The following RBFOX1 variants were observed in gnomAD, a reference collection of about 807,000 sequenced individuals.
The protein encoded by RBFOX1 is RNA binding protein fox-1 homolog 1.
Under a neutral mutation model 57.7 loss-of-function variants are expected in RBFOX1, and 8 were observed. That is an observed-to-expected ratio of 0.14 (90% confidence interval 0.08 to 0.25). The LOEUF (loss-of-function observed/expected upper bound fraction) is 0.25. RBFOX1 is among the 10% of genes least tolerant of loss of function. The pLI, the probability that RBFOX1 is intolerant of heterozygous loss-of-function variation, is 1.00. For synonymous variants in RBFOX1, 326 were observed against 222.4 expected (o/e 1.47, Z -4.15); for missense variants, 611 against 548.5 (o/e 1.11, Z -1.14).
chr16:7,475,907 C>G (rs191906090), intron 4 of RBFOX1, among the ~76,000 whole-genome samples: 1 of 152,286 alleles, frequency 6.6e-6, no homozygotes, highest in Admixed American at 6.5e-5. Flanking sequence ...AAGTTCACAT[C>G]ATGTCTGGCA....
At chr16:6,383,183 G>C (rs1268932407) in intron 2 of RBFOX1, among the ~76,000 whole-genome samples, 1 of 152,200 alleles carries the variant, frequency 6.6e-6, no homozygotes, top group Non-Finnish European at 1.5e-5. Flanking sequence ...AGAAGATCTG[G>C]CTTTCTTCTT....
intron 3 of RBFOX1, among the ~76,000 whole-genome samples, chr16:6,661,590 C>G (rs2098701965): frequency 6.6e-6 from 1 of 152,106 alleles, no homozygotes; most frequent in Non-Finnish European, 1.5e-5. Flanking sequence ...AGAACCCAGC[C>G]AAAGTGAAAG....
rs539471434 is a variant in RBFOX1, at chr16:6,173,956, G to A, written c.-126-143039G>A. Reference sequence around the variant, plus strand: ...AGCTGTCCCTTTTGAAGTCATTAAAGTTACAGAGTCCTTCACAGTGATCTC... The same window carrying A: ...AGCTGTCCCTTTTGAAGTCATTAAAATTACAGAGTCCTTCACAGTGATCTC... On this transcript the variant is annotated intron_variant, in intron 1 of 15. Transcript: ENST00000550418. Among the ~76,000 whole-genome samples, 40 of 152,156 alleles carry A rather than the reference G, an allele frequency of 2.6e-4. 1 individual carries two copies. The South Asian group carries it at 8.1e-3, about 31-fold the overall frequency.
intron 4 of RBFOX1, among the ~76,000 whole-genome samples, chr16:7,148,519 TATTAAGGCCGCAGTGCCGAGTTCCCTGA>T (rs1257631990): frequency 2.0e-5 from 3 of 152,228 alleles, no homozygotes; most frequent in African/African-American, 7.2e-5. Context: ...ACATTTAACA[TATTAAGGCCGCAGTGCCGAGTTCCCTGA>T]ACAGACAACA....
intron 3 of RBFOX1, among the ~76,000 whole-genome samples, chr16:6,898,963 ATG>A (rs1286321927): frequency 6.6e-6 from 1 of 150,856 alleles, no homozygotes; most frequent in African/African-American, 2.4e-5. Flanking sequence ...TACATTGTGT[ATG>A]TGTATGATGT....
At chr16:6,018,691 T>C (rs967512017), upstream of RBFOX1, among the ~76,000 whole-genome samples, 39 of 152,282 alleles carry the variant, frequency 2.6e-4, no homozygotes, top group African/African-American at 9.4e-4. Context: ...GAAAACTTCC[T>C]CAGAGAAGAA....
At chr16:7,534,867 T>C (rs1256147643) in intron 5 of RBFOX1, among the ~76,000 whole-genome samples, 2 of 152,120 alleles carry the variant, frequency 1.3e-5, no homozygotes, top group Non-Finnish European at 2.9e-5. Context: ...TGTGTGGCTT[T>C]AGGAAGCCCT....
intron 2 of RBFOX1, among the ~76,000 whole-genome samples, chr16:6,431,012 C>T (rs1194095710): frequency 6.6e-6 from 1 of 150,952 alleles, no homozygotes; most frequent in Non-Finnish European, 1.5e-5. Context: ...TTGCTGTGCA[C>T]CTGTAGTCCC....
At chr16:6,467,411 A>T (rs909125132) in intron 2 of RBFOX1, among the ~76,000 whole-genome samples, 27 of 152,234 alleles carry the variant, frequency 1.8e-4, no homozygotes, top group African/African-American at 6.5e-4. Context: ...ATAATTATTT[A>T]TGTTACTGTT....
At chr16:5,715,153 A>G (rs2051643959) in intron 3 of RBFOX1, among the ~76,000 whole-genome samples, 1 of 152,222 alleles carries the variant, frequency 6.6e-6, no homozygotes, top group African/African-American at 2.4e-5. Flanking sequence ...ATGCATTAAC[A>G]CTAACCATTA....
intron 3 of RBFOX1, among the ~76,000 whole-genome samples, chr16:5,714,780 A>T (rs1415329440): frequency 6.6e-6 from 1 of 152,216 alleles, no homozygotes; most frequent in African/African-American, 2.4e-5. Flanking sequence ...CTATAATCAT[A>T]TCAGCCTCGT....
At chr16:6,988,404 A>G (rs1368443720) in intron 3 of RBFOX1, among the ~76,000 whole-genome samples, 3 of 152,186 alleles carry the variant, frequency 2.0e-5, no homozygotes, top group African/African-American at 7.2e-5. Flanking sequence ...TATATGCTGG[A>G]TTTCAAAGAC....
intron 4 of RBFOX1, among the ~76,000 whole-genome samples, chr16:7,347,014 C>A (rs566275904): frequency 1.3e-5 from 2 of 152,036 alleles, no homozygotes; most frequent in East Asian, 3.9e-4. Flanking sequence ...AAAGTCAAGC[C>A]AAGGAAAGCA....
intron 2 of RBFOX1, among the ~76,000 whole-genome samples, chr16:6,355,455 G>C (rs1227088776): frequency 6.6e-6 from 1 of 152,124 alleles, no homozygotes; most frequent in Non-Finnish European, 1.5e-5. Context: ...CCCTGCAAAG[G>C]ACATGAACTC....
chr16:6,484,783 G>C (rs1222067272), intron 2 of RBFOX1, among the ~76,000 whole-genome samples: 1 of 152,110 alleles, frequency 6.6e-6, no homozygotes, highest in African/African-American at 2.4e-5. Context: ...TTAGTAAAAC[G>C]TTATGAAATT....
chr16:6,443,168 C>T (rs1164800563), intron 2 of RBFOX1, among the ~76,000 whole-genome samples: 1 of 152,196 alleles, frequency 6.6e-6, no homozygotes, highest in Non-Finnish European at 1.5e-5. Context: ...TGTATCCCTT[C>T]CATGTATATG....
intron 3 of RBFOX1, among the ~76,000 whole-genome samples, chr16:6,787,214 C>T (rs1162466672): frequency 6.6e-6 from 1 of 152,072 alleles, no homozygotes; most frequent in Non-Finnish European, 1.5e-5. Context: ...CAGAAATAAG[C>T]TGGATAAAGC....
At chr16:7,455,424 C>T (rs956756236) in intron 4 of RBFOX1, among the ~76,000 whole-genome samples, 1 of 152,072 alleles carries the variant, frequency 6.6e-6, no homozygotes, top group African/African-American at 2.4e-5. Context: ...TATAACAGCT[C>T]CCAGAGTTGT....
rs1439269397 is a variant in RBFOX1 at position 7,595,614 on chromosome 16, C to T, written c.534C>T (p.Gly178=). The change falls in exon 8 of 16, where the codon GGC becomes GGT. Residue 178 remains glycine (G), a synonymous_variant. Coordinates refer to ENST00000550418, the MANE Select transcript of RBFOX1 (RefSeq NM_018723.4). ...ACAGGGCGAGGGAGAAATTACACGGCACCGTGGTAGAGGGCCGTAAAATCG... is the reference window on the plus strand; with the variant it reads ...ACAGGGCGAGGGAGAAATTACACGGTACCGTGGTAGAGGGCCGTAAAATCG... The part of the protein sequence containing the change: ...DADRAREKLH[G]TVVEGRKIEV... 6.3e-7 allele frequency: 1 copy of T among 1,579,764 alleles called. No individual in the cohort carries two copies. The highest frequency in any genetic ancestry group is 8.6e-7 in the Non-Finnish European group (1 of 1,161,116).
Sources: gnomAD v4.1 joint callset for allele counts (sites outside exome capture counted in the v4.1 genomes callset) on GRCh38, gnomAD v4.1.1 for gene constraint, MANE v1.5 for transcripts, NCBI Gene and HGNC (gene_info 2026-07-23, HGNC 2026-07-21) for gene names.